The following B3GLCT variants were observed in gnomAD, a reference collection of about 807,000 sequenced individuals.
B3GLCT encodes the protein beta 3-glucosyltransferase, also known as beta-1,3-glucosyltransferase.
B3GLCT carries 65 observed loss-of-function variants against 63.4 expected under a neutral mutation model. The observed-to-expected ratio is 1.03, with a 90% confidence interval of 0.84 to 1.26. The LOEUF (loss-of-function observed/expected upper bound fraction) is 1.26, where lower values mean the gene tolerates loss of function less well. Among genes scored for constraint, B3GLCT ranks in the 50% most tolerant of loss-of-function variants. B3GLCT has a pLI of 0.00. For missense variants in B3GLCT, 577 were observed against 604.8 expected, an observed-to-expected ratio of 0.95 and a Z score of 0.48; for synonymous variants, 233 against 219.2, an observed-to-expected ratio of 1.06 and a Z score of -0.55.
At chr13:31,269,635 A>G (rs1228138348) in intron 8 of B3GLCT, among the ~76,000 whole-genome samples, 1 of 139,830 alleles carries the variant, frequency 7.2e-6, no homozygotes, top group Non-Finnish European at 1.5e-5. Context: ...TTGAATGATC[A>G]TGTCCCCGCC....
At chr13:31,246,888 C>T (rs1871211934) in intron 4 of B3GLCT, 135 bp from the exon 5 acceptor site, 1 of 690,346 alleles carries the variant, frequency 1.4e-6, no homozygotes, top group East Asian at 2.7e-5. Flanking sequence ...TGTCAGGTCT[C>T]TAGAAACAGC....
intron 3 of B3GLCT, among the ~76,000 whole-genome samples, chr13:31,224,182 A>T (rs1389588366): frequency 6.6e-6 from 1 of 151,954 alleles, no homozygotes; most frequent in Non-Finnish European, 1.5e-5. Context: ...TATTTAAGGA[A>T]CCACGTCAAT....
rs374128867 is a variant in B3GLCT, at chr13:31,261,515, C to G, written c.596+433C>G. Among the ~76,000 whole-genome samples the G allele has an allele frequency of 4.5e-4, 68 of 152,298 alleles. 1 individual carries two copies. The highest frequency in any genetic ancestry group is 1.6e-3 in the African/African-American group (65 of 41,566). On this transcript the variant is annotated intron_variant, in intron 7 of 14. Transcript: ENST00000343307. ...GTGCATGGGTATGCATACTTAAACACTGGCCAGTCAGGAGGGACAGCTAGT... is the reference window on the plus strand; with the variant it reads ...GTGCATGGGTATGCATACTTAAACAGTGGCCAGTCAGGAGGGACAGCTAGT...
intron 7 of B3GLCT, 72 bp from the exon 8 acceptor site, chr13:31,269,142 G>A (rs1251447528): frequency 2.0e-6 from 2 of 987,122 alleles, no homozygotes; most frequent in South Asian, 1.3e-5. Flanking sequence ...ACACTAGAAA[G>A]TCTCAAGAAT....
Position 31,206,798 on chromosome 13 carries a change from C to G in B3GLCT, c.70+6644C>G, listed in dbSNP as rs184686787. On this transcript the variant is annotated intron_variant, in intron 1 of 14. Transcript: ENST00000343307. ...TTTTGCCTTAAAGTAAGGAGTTGTT[C>G]TGGAGAGAGCAAAGTGTGGCATTGA... Among the ~76,000 whole-genome samples the G allele has an allele frequency of 7.9e-5, 12 of 152,092 alleles. No homozygotes were observed. The East Asian group carries it at 2.1e-3, about 27-fold the overall frequency.
At chr13:31,233,301 A>C (rs1566053506) in intron 4 of B3GLCT, among the ~76,000 whole-genome samples, 3 of 152,196 alleles carry the variant, frequency 2.0e-5, no homozygotes, top group African/African-American at 7.2e-5. Flanking sequence ...GTTCTAGAAA[A>C]ATATGATGTT....
chr13:31,264,056 G>A (rs995492105), intron 7 of B3GLCT, among the ~76,000 whole-genome samples: 4 of 152,106 alleles, frequency 2.6e-5, no homozygotes, highest in Admixed American at 6.5e-5. Context: ...CCTTCTTGCT[G>A]TGTCCCCTCA....
At chr13:31,239,391 G>C (rs1318030583) in intron 4 of B3GLCT, among the ~76,000 whole-genome samples, 2 of 151,728 alleles carry the variant, frequency 1.3e-5, no homozygotes, top group African/African-American at 4.8e-5. Context: ...AAGCAAAGTG[G>C]AGGTGAGACA....
At chr13:31,322,416 A>G (rs1875371394) in intron 13 of B3GLCT, among the ~76,000 whole-genome samples, 1 of 152,250 alleles carries the variant, frequency 6.6e-6, no homozygotes, top group Non-Finnish European at 1.5e-5. Context: ...TATATTGTAT[A>G]TTGAAGGAAA....
rs76832439 is a variant in B3GLCT at position 31,213,966 on chromosome 13, A to C, written c.71-1085A>C. Among the ~76,000 whole-genome samples the C allele has an allele frequency of 3.4e-3, 519 of 151,912 alleles. 5 individuals are homozygous for C. Among genetic ancestry groups the C allele is most frequent in the African/African-American group, 0.012 (499 of 41,482 alleles). On this transcript the variant is annotated intron_variant, in intron 1 of 14. Transcript: ENST00000343307. ...GTTAGTCATTTGCTTCTTAGTGTGA[A>C]GATGTTTTAGATTTCTTTCTTTTGA...
At chr13:31,217,368 G>A (rs1311509615) in intron 2 of B3GLCT, among the ~76,000 whole-genome samples, 2 of 152,056 alleles carry the variant, frequency 1.3e-5, no homozygotes, top group African/African-American at 4.8e-5. Flanking sequence ...TGCATAGTTT[G>A]CAAATATTTT....
At chr13:31,204,598 G>A (rs1868853111) in intron 1 of B3GLCT, among the ~76,000 whole-genome samples, 1 of 152,130 alleles carries the variant, frequency 6.6e-6, no homozygotes. Flanking sequence ...TTGCAGATCA[G>A]GGGACATATT....
chr13:31,290,900 G>A (rs372539730), intron 12 of B3GLCT, among the ~76,000 whole-genome samples: 72 of 152,166 alleles, frequency 4.7e-4, no homozygotes, highest in African/African-American at 9.9e-4. Context: ...TTTTGTTGCC[G>A]TTGCCTTTGA....
chr13:31,315,319 C>T (rs1460679914), intron 12 of B3GLCT, among the ~76,000 whole-genome samples: 1 of 152,164 alleles, frequency 6.6e-6, no homozygotes, highest in Non-Finnish European at 1.5e-5. Context: ...CAATGAAGTC[C>T]AGGCTGAGAT....
At chr13:31,316,094 A>T (rs993447089) in intron 12 of B3GLCT, among the ~76,000 whole-genome samples, 1 of 152,152 alleles carries the variant, frequency 6.6e-6, no homozygotes, top group Non-Finnish European at 1.5e-5. Flanking sequence ...GCCCTCATGA[A>T]GAACTTCTGC....
intron 6 of B3GLCT, among the ~76,000 whole-genome samples, chr13:31,253,621 A>AT (rs1871560141): frequency 7.2e-6 from 1 of 138,930 alleles, no homozygotes; most frequent in African/African-American, 2.6e-5. Flanking sequence ...AAAAAAAAAA[A>AT]CTAGAGAAGC....
chr13:31,264,183 G>A (rs1225928960), intron 7 of B3GLCT, among the ~76,000 whole-genome samples: 26 of 152,282 alleles, frequency 1.7e-4, no homozygotes, highest in Admixed American at 1.6e-3. Context: ...ATTGCCTTGA[G>A]GGGTAGGACT....
intron 1 of B3GLCT, among the ~76,000 whole-genome samples, chr13:31,204,990 T>G (rs1435788425): frequency 6.6e-6 from 1 of 152,210 alleles, no homozygotes; most frequent in African/African-American, 2.4e-5. Context: ...TTAAGTATAA[T>G]GAATTTTAAG....
chr13:31,324,122 G>A (rs192174471), intron 14 of B3GLCT, among the ~76,000 whole-genome samples: 10 of 152,282 alleles, frequency 6.6e-5, no homozygotes, highest in African/African-American at 9.6e-5. Context: ...ACCAAGTGGC[G>A]TTTGACCAGG....
Sources: gnomAD v4.1 joint callset for allele counts (sites outside exome capture counted in the v4.1 genomes callset) on GRCh38, gnomAD v4.1.1 for gene constraint, MANE v1.5 for transcripts, NCBI Gene and HGNC (gene_info 2026-07-23, HGNC 2026-07-21) for gene names.